Variants in SECISBP2L observed in about 807,000 individuals in gnomAD.
SECISBP2L encodes the protein SECIS binding protein 2 like, also known as selenocysteine insertion sequence-binding protein 2-like.
In SECISBP2L, 43 loss-of-function variants were observed where a neutral mutation model predicts 114.7. The observed-to-expected ratio is 0.38, with a 90% CI of 0.29 to 0.48. The LOEUF is 0.48. Ranked by LOEUF, SECISBP2L falls within the 20% of genes least tolerant of loss-of-function variation. SECISBP2L has a pLI of 0.98. For synonymous variants in SECISBP2L, 451 were observed against 439.7 expected (o/e 1.03, Z -0.32); for missense variants, 1,136 against 1,301.1 (o/e 0.87, Z 1.95).
At chr15:49,024,702 G>C (rs1230649250) in intron 7 of SECISBP2L, among the ~76,000 whole-genome samples, 1 of 151,998 alleles carries the variant, frequency 6.6e-6, no homozygotes, top group African/African-American at 2.4e-5. Flanking sequence ...ATTTCTAAAA[G>C]ATGTTTAGAG....
In SECISBP2L at chr15:49,016,985, T is replaced by C; in HGVS notation, c.1282A>G (p.Asn428Asp). 3.1e-6 allele frequency: 5 copies of C among 1,613,050 alleles called. No individual in the cohort carries two copies. Among genetic ancestry groups the C allele is most frequent in the Non-Finnish European group, 3.4e-6 (4 of 1,179,646 alleles). Reference protein sequence around the residue: ...LDDLPENSPINIVQTPIPITT... With the variant: ...LDDLPENSPIDIVQTPIPITT... Reference sequence around the variant, plus strand: ...ATAGGAATTGGAGTCTGAACTATATTGATTGGTGAGTTTTCAGGTAAATCA... The same window carrying C: ...ATAGGAATTGGAGTCTGAACTATATCGATTGGTGAGTTTTCAGGTAAATCA... Residue 428 changes from asparagine to aspartate, a missense_variant, in exon 10 of 18, where the codon AAT becomes GAT. Physicochemically the swap from Asn to Asp is conservative, Grantham distance 23. Coordinates refer to ENST00000559471, the MANE Select transcript of SECISBP2L (RefSeq NM_001193489.2).
At position 48,988,697 on chromosome 15, in the gene SECISBP2L, C is replaced by CA. The variant is rs1332941107; in HGVS notation, c.*3546dup. ...AATCCCCACTAGTATTTACATAGTG[C>CA]AAAAAAGCTGTTATTACCCCCCAAA... On this transcript the variant is annotated 3_prime_UTR_variant, in exon 18 of 18. Transcript: ENST00000559471. 1 of 428,468 alleles carries CA rather than the reference C, an allele frequency of 2.3e-6. No individual in the cohort carries two copies. The highest frequency in any genetic ancestry group is 4.7e-6 in the Non-Finnish European group (1 of 212,726). The allele number at this position is 428,468 out of a possible 1,614,324, so 26.5% of individuals were successfully genotyped here. A position where few individuals can be genotyped will look rare whatever the true frequency, so the allele number is the denominator to read the frequency against.
At chr15:49,001,366 C>T (rs1430706382) in intron 14 of SECISBP2L, among the ~76,000 whole-genome samples, 1 of 151,970 alleles carries the variant, frequency 6.6e-6, no homozygotes, top group Non-Finnish European at 1.5e-5. Context: ...TGGTTTATCA[C>T]TTTATCCCCA....
chr15:49,041,062 C>T (rs1903118945), intron 1 of SECISBP2L, among the ~76,000 whole-genome samples: 1 of 152,044 alleles, frequency 6.6e-6, no homozygotes, highest in South Asian at 2.1e-4. Flanking sequence ...TTGCCAAGAT[C>T]TATTTTTTAG....
rs183930175 is a variant in SECISBP2L at position 49,012,573 on chromosome 15, C to T, written c.1731+75G>A. ...CAACAATCTGTTGGCTAAGACACCA[C>T]AACCTACTTTTACAAAACAGATTAA... On this transcript the variant is annotated intron_variant, in intron 12 of 17. Transcript: ENST00000559471. The T allele has an allele frequency of 3.3e-6, 5 of 1,498,410 alleles. No homozygotes were observed. In the Admixed American group the frequency reaches 9.4e-5, roughly 28 times the overall value. The allele number at this position is 1,498,410 out of a possible 1,614,324, so 92.8% of individuals were successfully genotyped here. A position where few individuals can be genotyped will look rare whatever the true frequency, so the allele number is the denominator to read the frequency against.
intron 14 of SECISBP2L, among the ~76,000 whole-genome samples, chr15:49,006,818 G>A (rs571258553): frequency 2.6e-5 from 4 of 152,144 alleles, no homozygotes; most frequent in South Asian, 2.1e-4. Context: ...CTCATTCTCC[G>A]TCTAGTTTTG....
At position 49,035,353 on chromosome 15, in the gene SECISBP2L, C is replaced by A. The variant is rs1346713896; in HGVS notation, c.509G>T (p.Arg170Ile). 1.5e-5 allele frequency: 24 copies of A among 1,613,966 alleles called. No homozygotes were observed. Among genetic ancestry groups the A allele is most frequent in the Non-Finnish European group, 2.0e-5 (24 of 1,179,960 alleles). The change falls in exon 3 of 18, where the codon AGA (arginine) becomes ATA (isoleucine). Residue 170 changes from arginine to isoleucine, a missense_variant. Around this residue, in one of 2 missense-constraint regions of SECISBP2L, gnomAD observed 452 missense variants for 452.3 expected, o/e 1.00. Coordinates refer to ENST00000559471, the MANE Select transcript of SECISBP2L (RefSeq NM_001193489.2). The part of the protein sequence containing the change: ...LSSHRSRNSN[R>I]GSVVPKQQLL... The stretch of plus-strand genomic sequence containing the variant: ...ACTTACTTTTGGGACCACTGATCCT[C>A]TGTTACTGTTTCTGCTTCGATGGCT...
At chr15:49,028,105 T>G (rs772362475) in intron 6 of SECISBP2L, 39 bp downstream of exon 6, 3 of 1,549,138 alleles carry the variant, frequency 1.9e-6, no homozygotes, top group African/African-American at 1.4e-5. Flanking sequence ...ATGGACAAAG[T>G]AGAAAGTATA....
chr15:48,997,002 T>C, intron 16 of SECISBP2L, among the ~76,000 whole-genome samples: 1 of 152,140 alleles, frequency 6.6e-6, no homozygotes, highest in East Asian at 1.9e-4. Flanking sequence ...CTTACATGCC[T>C]TGAGAGGTGT....
Position 48,991,337 on chromosome 15 carries a change from T to C in SECISBP2L, c.*907A>G, listed in dbSNP as rs1239692057. The stretch of plus-strand genomic sequence containing the variant: ...AAGTTTGGATACTCAATCAAATCCA[T>C]ATCTCAAATCAAGAGTCCTGAACCA... On this transcript the variant is annotated 3_prime_UTR_variant, in exon 18 of 18. Transcript: ENST00000559471. The C allele has an allele frequency of 6.6e-6, 1 of 152,552 alleles. No individual in the cohort carries two copies. 9.4% of individuals were successfully genotyped at this position (152,552 alleles called of 1,614,324 possible). A position where few individuals can be genotyped will look rare whatever the true frequency, so the allele number is the denominator to read the frequency against.
At chr15:49,025,228 T>C (rs1902716805) in intron 7 of SECISBP2L, among the ~76,000 whole-genome samples, 1 of 151,950 alleles carries the variant, frequency 6.6e-6, no homozygotes, top group Admixed American at 6.6e-5. Context: ...CATGGAAGAG[T>C]GAATTATTTT....
chr15:49,038,757 AAAT>A (rs1595797419), intron 1 of SECISBP2L, among the ~76,000 whole-genome samples: 1 of 152,170 alleles, frequency 6.6e-6, no homozygotes, highest in Non-Finnish European at 1.5e-5. Flanking sequence ...AAAATCATAT[AAAT>A]ATTATAATAT....
intron 17 of SECISBP2L, among the ~76,000 whole-genome samples, 176 bp from the exon 18 acceptor site, chr15:48,993,102 T>TGC (rs1566850155): frequency 2.2e-5 from 1 of 45,316 alleles, no homozygotes; most frequent in African/African-American, 6.6e-5. Flanking sequence ...AGAGAGAGAG[T>TGC]GTGTGTGTGT....
At chr15:48,995,593 T>C (rs758700747) in intron 17 of SECISBP2L, among the ~76,000 whole-genome samples, 4 of 152,046 alleles carry the variant, frequency 2.6e-5, no homozygotes, top group African/African-American at 4.8e-5. Context: ...AGAAGGTGGC[T>C]ATACTATTTA....
intron 17 of SECISBP2L, among the ~76,000 whole-genome samples, chr15:48,993,168 G>C (rs1252504681): frequency 1.4e-5 from 2 of 146,856 alleles, no homozygotes; most frequent in South Asian, 2.2e-4. Flanking sequence ...GCTCTTTTAG[G>C]CTGGAATGCA....
intron 16 of SECISBP2L, among the ~76,000 whole-genome samples, chr15:48,997,830 T>C (rs1252867232): frequency 2.0e-5 from 3 of 152,020 alleles, no homozygotes; most frequent in Admixed American, 6.6e-5. Context: ...GATCATGCCA[T>C]TGCACTCCAG....
At chr15:49,024,090 T>C (rs1412283112) in intron 7 of SECISBP2L, among the ~76,000 whole-genome samples, 1 of 152,050 alleles carries the variant, frequency 6.6e-6, no homozygotes, top group African/African-American at 2.4e-5. Context: ...ATGATCTATA[T>C]TACCCAATGT....
intron 17 of SECISBP2L, among the ~76,000 whole-genome samples, chr15:48,994,994 C>T (rs181976799): frequency 9.9e-5 from 15 of 151,966 alleles, no homozygotes; most frequent in African/African-American, 2.4e-4. Context: ...TCCAAGACCC[C>T]GAGATTAACT....
rs770135159 is a variant in SECISBP2L at position 49,037,710 on chromosome 15, T to G, written c.84A>C (p.Thr28=). Residue 28 remains threonine, a synonymous_variant, in exon 2 of 18, where the codon ACA becomes ACC. Coordinates refer to ENST00000559471, the MANE Select transcript of SECISBP2L (RefSeq NM_001193489.2). ...PFIPQKKSPD[T]FMIPMALPND... ...TTGGGAGAGCCATAGGGATCATAAA[T>G]GTATCAGGACTCTTCTTCTGGGGAA... 1.9e-6 allele frequency: 3 copies of G among 1,613,700 alleles called. No homozygotes were observed. The highest frequency in any genetic ancestry group is 1.7e-6 in the Non-Finnish European group (2 of 1,179,782).
Sources: gnomAD v4.1 joint callset for allele counts (sites outside exome capture counted in the v4.1 genomes callset) on GRCh38, gnomAD v4.1.1 for gene constraint, gnomAD v4.1.1 regional missense constraint, MANE v1.5 for transcripts, NCBI Gene and HGNC (gene_info 2026-07-23, HGNC 2026-07-21) for gene names.